The following UBA5 variants were observed in gnomAD, a reference collection of about 807,000 sequenced individuals.
The protein encoded by UBA5 is ubiquitin like modifier activating enzyme 5, also known as ubiquitin-like modifier-activating enzyme 5.
UBA5 carries 28 observed loss-of-function variants against 52.9 expected under a neutral mutation model. That is an observed-to-expected ratio of 0.53 (90% CI 0.39 to 0.73). The LOEUF (loss-of-function observed/expected upper bound fraction) is 0.73. Among genes scored for constraint, UBA5 ranks in the 30% least tolerant of loss-of-function variants. The pLI is 0.00. For synonymous variants in UBA5, 135 were observed against 162.1 expected (o/e 0.83, Z 1.27); for missense variants, 388 against 492.7 (o/e 0.79, Z 2.01).
chr3:132,664,877 A>C (rs906043115), intron 1 of UBA5, among the ~76,000 whole-genome samples: 12 of 152,302 alleles, frequency 7.9e-5, no homozygotes, highest in African/African-American at 2.9e-4. Context: ...CATGAATATG[A>C]ATGTATCTAG....
At chr3:132,659,954 A>G (rs1938050899), upstream of UBA5, 2 of 544,106 alleles carry the variant, frequency 3.7e-6, no homozygotes, top group Non-Finnish European at 6.2e-6. Context: ...TCAAGTGCCA[A>G]AAGAGCCCAA....
At position 132,672,143 on chromosome 3, in the gene UBA5, G is replaced by A. The variant is rs886039759; in HGVS notation, c.778G>A (p.Val260Met). 6.2e-7 allele frequency: 1 copy of A among 1,614,002 alleles called. No homozygotes were observed. Among genetic ancestry groups the A allele is most frequent in the Admixed American group, 1.7e-5 (1 of 60,016 alleles). ...AGCCAGTCTTCCTACCACTATGGGT[G>A]TGGTTGCTGGGATCTTAGTACAAAA... ...CAASLPTTMG[V>M]VAGILVQNVL... Residue 260 changes from valine (V) to methionine (M), a missense_variant, in exon 8 of 12, where the codon GTG (valine) becomes ATG (methionine). By Grantham distance (21) the Val-to-Met change is conservative (BLOSUM62 1). Transcript: ENST00000356232.
chr3:132,660,970 T>C lies in UBA5; in HGVS notation c.161+272T>C, dbSNP rs1938129778. ...TCCAGTTTCCTATCACCCTTGCCTCTTAATTAGTCCGCCTCGCTGTGTATA... is the reference window on the plus strand; with the variant it reads ...TCCAGTTTCCTATCACCCTTGCCTCCTAATTAGTCCGCCTCGCTGTGTATA... On this transcript the variant is annotated intron_variant, in intron 1 of 11. Coordinates refer to ENST00000356232, the MANE Select transcript of UBA5 (RefSeq NM_024818.6). This position sits in a 1 kb window ranked among gnomAD's most constrained non-coding sequence, Gnocchi z 4.1. 6.7e-7 allele frequency: 1 copy of C among 1,486,388 alleles called. No homozygotes were observed. Among genetic ancestry groups the C allele is most frequent in the Non-Finnish European group, 9.0e-7 (1 of 1,115,986 alleles). The allele number at this position is 1,486,388 out of a possible 1,614,324, so 92.1% of individuals were successfully genotyped here. A position where few individuals can be genotyped will look rare whatever the true frequency, so the allele number is the denominator to read the frequency against.
upstream of UBA5, chr3:132,660,192 G>A (rs1938067535): frequency 2.4e-6 from 1 of 416,468 alleles, no homozygotes; most frequent in Admixed American, 4.1e-5. The surrounding 1 kb of genome is among the most constrained non-coding windows in gnomAD (Gnocchi z 4.1). Flanking sequence ...TAGATACCCG[G>A]TTAGCAAGGC....
upstream of UBA5, among the ~76,000 whole-genome samples, chr3:132,657,848 T>C (rs1937888746): frequency 6.6e-6 from 1 of 150,878 alleles, no homozygotes; most frequent in Non-Finnish European, 1.5e-5. Flanking sequence ...ACTTTTGGTA[T>C]TAAAAAAACA....
Position 132,660,820 on chromosome 3 carries a change from G to A in UBA5, c.161+122G>A. 1.4e-6 allele frequency: 2 copies of A among 1,448,762 alleles called. No individual in the cohort carries two copies. The highest frequency in any genetic ancestry group is 1.8e-6 in the Non-Finnish European group (2 of 1,098,426). The allele number at this position is 1,448,762 out of a possible 1,614,324, so 89.7% of individuals were successfully genotyped here. A position where few individuals can be genotyped will look rare whatever the true frequency, so the allele number is the denominator to read the frequency against. On this transcript the variant is annotated intron_variant, in intron 1 of 11. Transcript: ENST00000356232. The surrounding 1 kb of genome is among the most constrained non-coding windows in gnomAD (Gnocchi z 4.1). Reference sequence around the variant, plus strand: ...GCCCGCCACCCTTTTCTTGGTCTGCGAATCCTGTTCCCAAATGGGCAAGGC... The same window carrying A: ...GCCCGCCACCCTTTTCTTGGTCTGCAAATCCTGTTCCCAAATGGGCAAGGC...
rs1938867566 is a variant in UBA5 at position 132,676,981 on chromosome 3, G to C, written c.*455G>C. 2.6e-6 allele frequency: 1 copy of C among 380,236 alleles called. No homozygotes were observed. The highest frequency in any genetic ancestry group is 2.1e-5 in the African/African-American group (1 of 47,994). 23.6% of individuals were successfully genotyped at this position (380,236 alleles called of 1,614,324 possible). A position where few individuals can be genotyped will look rare whatever the true frequency, so the allele number is the denominator to read the frequency against. On this transcript the variant is annotated 3_prime_UTR_variant, in exon 12 of 12. Transcript: ENST00000356232. The surrounding 1 kb of genome is among the most constrained non-coding windows in gnomAD (Gnocchi z 4.1). ...GGCAAGCATCTGCTCATTATGTTTG[G>C]AATTGCTTTCTATAAGAAAATTGCC...
rs1938956254 is a variant in UBA5, at chr3:132,679,269, A to C, written c.*2743A>C. On this transcript the variant is annotated 3_prime_UTR_variant, in exon 12 of 12. Coordinates refer to ENST00000356232, the MANE Select transcript of UBA5 (RefSeq NM_024818.6). ...GAAAACAGAGTGAGACTCTGTCTCA[A>C]AAAAAAAGGTATTGATGAATAAAAA... Among the ~76,000 whole-genome samples, 1 of 151,816 alleles carries C rather than the reference A, an allele frequency of 6.6e-6. No homozygotes were observed. The highest frequency in any genetic ancestry group is 1.5e-5 in the Non-Finnish European group (1 of 67,926).
At position 132,677,244 on chromosome 3, in the gene UBA5, A is replaced by G. The variant is rs1384034638; in HGVS notation, c.*718A>G. 6.0e-6 allele frequency: 1 copy of G among 167,418 alleles called. No homozygotes were observed. Among genetic ancestry groups the G allele is most frequent in the East Asian group, 1.6e-4 (1 of 6,400 alleles). 10.4% of individuals were successfully genotyped at this position (167,418 alleles called of 1,614,324 possible). On this transcript the variant is annotated 3_prime_UTR_variant, in exon 12 of 12. Coordinates refer to ENST00000356232, the MANE Select transcript of UBA5 (RefSeq NM_024818.6). ...ATTCTGCACCGAACAAGGAACAGAAATTATTGCATCTGTGGAACATATATC... is the reference window on the plus strand; with the variant it reads ...ATTCTGCACCGAACAAGGAACAGAAGTTATTGCATCTGTGGAACATATATC...
intron 1 of UBA5, among the ~76,000 whole-genome samples, chr3:132,661,569 T>C (rs1938165707): frequency 1.3e-5 from 2 of 152,202 alleles, no homozygotes; most frequent in Admixed American, 6.5e-5. Context: ...CAAAACCCTA[T>C]GAGATTGCTA....
chr3:132,675,225 T>C, intron 8 of UBA5, 23 bp from the exon 9 acceptor site: 1 of 1,519,856 alleles, frequency 6.6e-7, no homozygotes, highest in Non-Finnish European at 9.0e-7. Flanking sequence ...TTTCTTTATT[T>C]AAGTCTATTT....
At chr3:132,665,393 A>T (rs1452532128) in intron 1 of UBA5, among the ~76,000 whole-genome samples, 1 of 152,116 alleles carries the variant, frequency 6.6e-6, no homozygotes, top group African/African-American at 2.4e-5. Flanking sequence ...GCTTACTAAA[A>T]GTATACATCA....
At chr3:132,664,274 A>G (rs1489171422) in intron 1 of UBA5, among the ~76,000 whole-genome samples, 1 of 152,196 alleles carries the variant, frequency 6.6e-6, no homozygotes, top group Non-Finnish European at 1.5e-5. Flanking sequence ...AAATGTTGAA[A>G]GACAATTCTA....
upstream of UBA5, among the ~76,000 whole-genome samples, chr3:132,659,120 A>T (rs1937985893): frequency 2.0e-5 from 3 of 152,198 alleles, no homozygotes; most frequent in South Asian, 6.2e-4. Context: ...CACTTCAAAA[A>T]ACCTGAGGCC....
At chr3:132,672,015 C>T (rs1938625875) in intron 7 of UBA5, 35 bp from the exon 8 acceptor site, 6 of 1,593,644 alleles carry the variant, frequency 3.8e-6, no homozygotes, top group South Asian at 3.4e-5. Context: ...TACTTTTTCT[C>T]TTTTTTTTTG....
At position 132,660,791 on chromosome 3, in the gene UBA5, G is replaced by T. The variant is rs73000577; in HGVS notation, c.161+93G>T. The T allele has an allele frequency of 6.9e-7, 1 of 1,450,378 alleles. No homozygotes were observed. The highest frequency in any genetic ancestry group is 2.8e-5 in the Admixed American group (1 of 36,088). 89.8% of individuals were successfully genotyped at this position (1,450,378 alleles called of 1,614,324 possible). On this transcript the variant is annotated intron_variant, in intron 1 of 11. Transcript: ENST00000356232. The surrounding 1 kb of genome is among the most constrained non-coding windows in gnomAD (Gnocchi z 4.1). ...GGCGCTTCCCACGTCCCGCTCATGG[G>T]GACGCCCGCCACCCTTTTCTTGGTC...
Position 132,666,111 on chromosome 3 carries a change from A to ACT in UBA5, c.297+40_297+41dup, listed in dbSNP as rs752457127. 7 of 1,564,992 alleles carry ACT rather than the reference A, an allele frequency of 4.5e-6. No homozygotes were observed. The East Asian group carries it at 1.6e-4, about 35-fold the overall frequency. On this transcript the variant is annotated intron_variant, in intron 3 of 11. Transcript: ENST00000356232. Reference sequence around the variant, plus strand: ...CTCTTTGCCTGTCATATAGGGAACTACTCACTCCTGGAGTAAATCAGGTAC... The same window carrying ACT: ...CTCTTTGCCTGTCATATAGGGAACTACTCTCACTCCTGGAGTAAATCAGGTAC...
chr3:132,676,695 C>T lies in UBA5; in HGVS notation c.*169C>T, dbSNP rs1938854776. On this transcript the variant is annotated 3_prime_UTR_variant, in exon 12 of 12. Transcript: ENST00000356232. This position sits in a 1 kb window ranked among gnomAD's most constrained non-coding sequence, Gnocchi z 4.1. ...ACTTGCCTGTTTCTCCCCGCTCCAA[C>T]GAAATCATTAACTCTCCTAAAATGT... 8 of 608,366 alleles carry T rather than the reference C, an allele frequency of 1.3e-5. No homozygotes were observed. Among genetic ancestry groups the T allele is most frequent in the South Asian group, 7.2e-5 (4 of 55,390 alleles). 37.7% of individuals were successfully genotyped at this position (608,366 alleles called of 1,614,324 possible).
At position 132,667,324 on chromosome 3, in the gene UBA5, G is replaced by A. The variant is rs530493619; in HGVS notation, c.297+1251G>A. 23 of 152,306 alleles carry A rather than the reference G, an allele frequency of 1.5e-4. No homozygotes were observed. In the South Asian group the frequency reaches 4.3e-3, roughly 29 times the overall value. The allele number at this position is 152,306 out of a possible 1,614,324, so 9.4% of individuals were successfully genotyped here. A position where few individuals can be genotyped will look rare whatever the true frequency, so the allele number is the denominator to read the frequency against. ...AGACCACGCCATTTTGAGTAGCAAA[G>A]AGGTAGAACAGTAGTTATATATTGC... On this transcript the variant is annotated intron_variant, in intron 3 of 11. Coordinates refer to ENST00000356232, the MANE Select transcript of UBA5 (RefSeq NM_024818.6).
Sources: gnomAD v4.1 joint callset for allele counts (sites outside exome capture counted in the v4.1 genomes callset) on GRCh38, gnomAD v4.1.1 for gene constraint, Gnocchi (gnomAD v3.1) non-coding constraint, MANE v1.5 for transcripts, NCBI Gene and HGNC (gene_info 2026-07-23, HGNC 2026-07-21) for gene names.